The following IL1RAPL1 variants were observed in gnomAD, a reference collection of about 807,000 sequenced individuals.
IL1RAPL1 encodes interleukin 1 receptor accessory protein like 1.
Under a neutral mutation model 48.4 loss-of-function variants are expected in IL1RAPL1, and 3 were observed. The observed-to-expected ratio is 0.06, with a 90% CI of 0.03 to 0.16. The LOEUF (loss-of-function observed/expected upper bound fraction) is 0.16. Ranked by LOEUF, IL1RAPL1 falls within the 10% of genes least tolerant of loss-of-function variation. The pLI is 1.00. For synonymous variants in IL1RAPL1, 185 were observed against 187.7 expected (o/e 0.99, Z 0.12); for missense variants, 349 against 530.6 (o/e 0.66, Z 3.36).
At chrX:29,901,160 C>T (rs777178501) in intron 6 of IL1RAPL1, among the ~76,000 whole-genome samples, 4 of 111,683 alleles carry the variant, frequency 3.6e-5, no homozygotes, top group Admixed American at 2.9e-4. Context: ...AAGGAAATGA[C>T]CAGGAAATTG....
At chrX:29,179,612 A>G (rs988082255) in intron 2 of IL1RAPL1, among the ~76,000 whole-genome samples, 7 of 111,708 alleles carry the variant, frequency 6.3e-5, no homozygotes, top group Non-Finnish European at 9.4e-5. Flanking sequence ...TGCAGTCACA[A>G]TGGTTCTTAT....
At chrX:29,689,034 G>T (rs1601780059) in intron 6 of IL1RAPL1, among the ~76,000 whole-genome samples, 1 of 111,346 alleles carries the variant, frequency 9.0e-6, no homozygotes, top group Non-Finnish European at 1.9e-5. Flanking sequence ...TCTTTGTAGT[G>T]AATTTTACAG....
chrX:28,921,997 G>T (rs1923626195), intron 2 of IL1RAPL1, among the ~76,000 whole-genome samples: 1 of 111,447 alleles, frequency 9.0e-6, no homozygotes, highest in Non-Finnish European at 1.9e-5. Context: ...GAAAAAACTT[G>T]CCTTAGTTTT....
chrX:29,775,166 C>G (rs1056235766), intron 6 of IL1RAPL1, among the ~76,000 whole-genome samples: 1 of 111,455 alleles, frequency 9.0e-6, no homozygotes, highest in Non-Finnish European at 1.9e-5. Flanking sequence ...TCGTTATATC[C>G]GATTTCACTT....
chrX:29,001,419 C>T (rs1466585849), intron 2 of IL1RAPL1, among the ~76,000 whole-genome samples: 3 of 111,102 alleles, frequency 2.7e-5, no homozygotes, highest in Non-Finnish European at 5.7e-5. Flanking sequence ...TCTAGATAGC[C>T]CAAGTCTTCT....
At chrX:28,862,838 C>T (rs1051652929) in intron 2 of IL1RAPL1, among the ~76,000 whole-genome samples, 3 of 111,140 alleles carry the variant, frequency 2.7e-5, no homozygotes, top group Non-Finnish European at 5.7e-5. Flanking sequence ...CTACTAAAAG[C>T]AATAAACCAA....
chrX:29,363,836 C>A (rs1933409870), intron 3 of IL1RAPL1, among the ~76,000 whole-genome samples: 1 of 106,753 alleles, frequency 9.4e-6, no homozygotes, highest in South Asian at 3.8e-4. Context: ...CATGATGGAC[C>A]AAGCCCATGA....
At chrX:29,125,061 C>T (rs927483710) in intron 2 of IL1RAPL1, among the ~76,000 whole-genome samples, 4 of 112,355 alleles carry the variant, frequency 3.6e-5, no homozygotes, top group African/African-American at 1.3e-4. Context: ...TGCCTCTAAA[C>T]ATGACCAAGA....
intron 1 of IL1RAPL1, among the ~76,000 whole-genome samples, chrX:28,732,985 C>T (rs945256087): frequency 9.0e-6 from 1 of 111,201 alleles, no homozygotes; most frequent in Non-Finnish European, 1.9e-5. Flanking sequence ...ATTTTCTACC[C>T]GTGTGAGGAT....
intron 5 of IL1RAPL1, among the ~76,000 whole-genome samples, chrX:29,461,409 A>G (rs1041685109): frequency 2.7e-5 from 3 of 111,853 alleles, no homozygotes; most frequent in African/African-American, 6.5e-5. Flanking sequence ...TGGATATACT[A>G]TATACGTAAC....
At chrX:28,875,840 C>T (rs371091175) in intron 2 of IL1RAPL1, among the ~76,000 whole-genome samples, 7 of 111,863 alleles carry the variant, frequency 6.3e-5, no homozygotes, top group African/African-American at 2.3e-4. Context: ...GTAACAGAAT[C>T]GTTTGGCAAG....
rs141944901 is a variant in IL1RAPL1, at chrX:29,798,823, T to G, written c.779-118641T>G. 6.9e-3 allele frequency among the ~76,000 whole-genome samples: 777 copies of G among 112,097 alleles called. 9 individuals are homozygous for G. The highest frequency in any genetic ancestry group is 0.024 in the African/African-American group (743 of 30,853). On this transcript the variant is annotated intron_variant, in intron 6 of 10. Coordinates refer to ENST00000378993, the MANE Select transcript of IL1RAPL1 (RefSeq NM_014271.4). The stretch of plus-strand genomic sequence containing the variant: ...AGAGGCAGACTTCCTTAGAATGCAG[T>G]TATGTACTTCTTAATTAAACAAAGA...
At chrX:29,336,537 G>T (rs1304748040) in intron 3 of IL1RAPL1, among the ~76,000 whole-genome samples, 4 of 109,346 alleles carry the variant, frequency 3.7e-5, no homozygotes, top group Non-Finnish European at 7.6e-5. Flanking sequence ...CAAGCGTTGT[G>T]GCCAACACTC....
intron 2 of IL1RAPL1, among the ~76,000 whole-genome samples, chrX:29,083,355 T>A (rs1381345275): frequency 8.9e-6 from 1 of 111,908 alleles, no homozygotes; most frequent in African/African-American, 3.2e-5. Flanking sequence ...GGTCAGCCTA[T>A]CTCAATTTGA....
rs1376678313 is a variant in IL1RAPL1 at position 29,541,385 on chromosome X, A to G, written c.704-127045A>G. Among the ~76,000 whole-genome samples the G allele has an allele frequency of 5.4e-5, 6 of 111,705 alleles. No individual in the cohort carries two copies. The South Asian group carries it at 1.9e-3, about 35-fold the overall frequency. On this transcript the variant is annotated intron_variant, in intron 5 of 10. Transcript: ENST00000378993. ...AAAGTGCTTTGACGGTTTCTCAAAG[A>G]ACTTAAAATGGAACTACCTTGCTCC... is the stretch of plus-strand genomic sequence containing the variant.
chrX:28,875,310 A>G (rs749812013), intron 2 of IL1RAPL1, among the ~76,000 whole-genome samples: 4 of 111,977 alleles, frequency 3.6e-5, no homozygotes, highest in Non-Finnish European at 7.5e-5. Context: ...AAAAGTAAAA[A>G]TGAATGCTCC....
chrX:28,726,549 C>G (rs754625862), intron 1 of IL1RAPL1, among the ~76,000 whole-genome samples: 15 of 111,363 alleles, frequency 1.3e-4, no homozygotes, highest in African/African-American at 3.9e-4. Context: ...TTATAAAACT[C>G]CCTCACAAAA....
At chrX:29,034,986 C>T (rs924597872) in intron 2 of IL1RAPL1, among the ~76,000 whole-genome samples, 1 of 110,837 alleles carries the variant, frequency 9.0e-6, no homozygotes, top group Admixed American at 9.6e-5. Context: ...CCCTGAGTAG[C>T]TGGGACTACA....
chrX:29,346,802 C>T (rs374590530), intron 3 of IL1RAPL1, among the ~76,000 whole-genome samples: 2 of 112,389 alleles, frequency 1.8e-5, no homozygotes, highest in East Asian at 5.6e-4. Flanking sequence ...AGAGGAAATA[C>T]ACCTTGACAG....
Sources: gnomAD v4.1 joint callset for allele counts (sites outside exome capture counted in the v4.1 genomes callset) on GRCh38, gnomAD v4.1.1 for gene constraint, MANE v1.5 for transcripts, NCBI Gene and HGNC (gene_info 2026-07-23, HGNC 2026-07-21) for gene names.